The following MACROD2 variants were observed in gnomAD, a reference collection of about 807,000 sequenced individuals.
The protein encoded by MACROD2 is ADP-ribose glycohydrolase MACROD2.
Under a neutral mutation model 70.4 loss-of-function variants are expected in MACROD2, and 36 were observed. The ratio of observed to expected loss-of-function variants is 0.51; its 90% CI spans 0.39 to 0.68. The LOEUF (loss-of-function observed/expected upper bound fraction) is 0.68. MACROD2 is among the 30% of genes least tolerant of loss of function. MACROD2 has a pLI of 0.00. For synonymous variants in MACROD2, 172 were observed against 178.8 expected, an observed-to-expected ratio of 0.96 and a Z score of 0.30; for missense variants, 496 against 538.4, an observed-to-expected ratio of 0.92 and a Z score of 0.78.
At chr20:14,258,329 A>G (rs1261178672) in intron 3 of MACROD2, among the ~76,000 whole-genome samples, 1 of 152,150 alleles carries the variant, frequency 6.6e-6, no homozygotes, top group Non-Finnish European at 1.5e-5. Context: ...GTACTAGTTT[A>G]CATTCCCACC....
chr20:15,449,523 T>A (rs2046612853), intron 7 of MACROD2, among the ~76,000 whole-genome samples: 1 of 152,200 alleles, frequency 6.6e-6, no homozygotes, highest in Non-Finnish European at 1.5e-5. Flanking sequence ...GCAGCCACTG[T>A]TGAGTTTCTT....
At chr20:14,496,768 G>C (rs1387347597) in intron 4 of MACROD2, among the ~76,000 whole-genome samples, 2 of 151,350 alleles carry the variant, frequency 1.3e-5, no homozygotes, top group African/African-American at 2.5e-5. Flanking sequence ...AGACAGTTAT[G>C]TACTAATTTC....
intron 5 of MACROD2, among the ~76,000 whole-genome samples, chr20:14,991,180 A>G (rs2074900507): frequency 6.6e-6 from 1 of 152,098 alleles, no homozygotes; most frequent in Non-Finnish European, 1.5e-5. Flanking sequence ...TAAGCCTTGA[A>G]TGATGTCAGT....
chr20:14,678,847 T>A (rs910456424), intron 4 of MACROD2, among the ~76,000 whole-genome samples: 2 of 152,166 alleles, frequency 1.3e-5, no homozygotes, highest in African/African-American at 4.8e-5. Context: ...ATATAGAACC[T>A]CATCACCAGA....
In MACROD2 at chr20:14,274,388, C is replaced by CA. The variant is rs1177542398; in HGVS notation, c.271+188665dup. Among the ~76,000 whole-genome samples, 13 of 152,148 alleles carry CA rather than the reference C, an allele frequency of 8.5e-5. No homozygotes were observed. In the East Asian group the frequency reaches 2.5e-3, roughly 29 times the overall value. On this transcript the variant is annotated intron_variant, in intron 3 of 17. Transcript: ENST00000684519. ...TCCAGCATATAAACAGAACGAAAGA[C>CA]AAAAACCACATGATTATCTCAATAG...
intron 6 of MACROD2, among the ~76,000 whole-genome samples, chr20:15,239,927 G>T (rs1490003732): frequency 6.6e-6 from 1 of 152,160 alleles, no homozygotes; most frequent in African/African-American, 2.4e-5. Flanking sequence ...CATGGCAGAT[G>T]GTGAGTGCCT....
At chr20:14,778,470 G>C (rs932291023) in intron 5 of MACROD2, among the ~76,000 whole-genome samples, 5 of 151,878 alleles carry the variant, frequency 3.3e-5, no homozygotes, top group African/African-American at 1.2e-4. Context: ...CCATCCAGTG[G>C]CCTTATCTGA....
At chr20:15,368,812 C>T (rs897576261) in intron 6 of MACROD2, among the ~76,000 whole-genome samples, 5 of 152,124 alleles carry the variant, frequency 3.3e-5, no homozygotes, top group African/African-American at 9.7e-5. Context: ...TGTCTAGGCT[C>T]AAGCGGCAGT....
chr20:15,958,018 T>C (rs1487790616), intron 12 of MACROD2, among the ~76,000 whole-genome samples: 3 of 152,238 alleles, frequency 2.0e-5, no homozygotes, highest in Non-Finnish European at 4.4e-5. Flanking sequence ...ACAAATATGT[T>C]TGAGGATTAT....
chr20:14,426,524 G>C (rs759089250), intron 3 of MACROD2, among the ~76,000 whole-genome samples: 1 of 152,048 alleles, frequency 6.6e-6, no homozygotes. Context: ...CAGATGTCTT[G>C]TAGTCTTTTG....
intron 5 of MACROD2, among the ~76,000 whole-genome samples, chr20:15,144,592 C>T (rs2076217011): frequency 6.6e-6 from 1 of 152,080 alleles, no homozygotes; most frequent in Non-Finnish European, 1.5e-5. Flanking sequence ...TATTTTGTTG[C>T]AAAAGGTGGG....
chr20:15,321,317 T>A (rs1568720043), intron 6 of MACROD2, among the ~76,000 whole-genome samples: 2 of 144,382 alleles, frequency 1.4e-5, no homozygotes, highest in African/African-American at 5.0e-5. Context: ...TTAGCTTCTA[T>A]CTGACTAGGT....
chr20:14,178,095 C>T (rs866993568), intron 3 of MACROD2, among the ~76,000 whole-genome samples: 22 of 152,084 alleles, frequency 1.4e-4, no homozygotes, highest in African/African-American at 4.8e-4. Flanking sequence ...TTCACAACAT[C>T]TAGGGAAAAG....
chr20:14,053,488 C>T (rs973763388), intron 2 of MACROD2: 16 of 152,030 alleles, frequency 1.1e-4, no homozygotes, highest in African/African-American at 3.4e-4. Flanking sequence ...GCTCTTTGTC[C>T]TCTGTGAATG....
At chr20:15,277,225 T>A (rs1568686566) in intron 6 of MACROD2, among the ~76,000 whole-genome samples, 1 of 152,202 alleles carries the variant, frequency 6.6e-6, no homozygotes, top group Non-Finnish European at 1.5e-5. Flanking sequence ...GACATACAGT[T>A]TCTTCCTATA....
At chr20:14,390,350 A>G (rs1242218849) in intron 3 of MACROD2, among the ~76,000 whole-genome samples, 1 of 152,234 alleles carries the variant, frequency 6.6e-6, no homozygotes, top group Non-Finnish European at 1.5e-5. Flanking sequence ...TGCCATTTCT[A>G]TTAAACTACC....
chr20:14,151,912 C>G (rs902284826), intron 3 of MACROD2, among the ~76,000 whole-genome samples: 3 of 150,736 alleles, frequency 2.0e-5, no homozygotes, highest in Non-Finnish European at 3.0e-5. Flanking sequence ...AGCTCTGCCC[C>G]CCGGGTTCAT....
At chr20:15,561,677 A>T (rs917979216) in intron 8 of MACROD2, among the ~76,000 whole-genome samples, 1 of 152,156 alleles carries the variant, frequency 6.6e-6, no homozygotes, top group African/African-American at 2.4e-5. Flanking sequence ...AGATTTTTTA[A>T]GCAGTGCCTT....
At chr20:14,639,755 C>G (rs1272640835) in intron 4 of MACROD2, among the ~76,000 whole-genome samples, 1 of 152,156 alleles carries the variant, frequency 6.6e-6, no homozygotes, top group Admixed American at 6.5e-5. Context: ...TAAATTCCCC[C>G]TTGATTTAAG....
Sources: gnomAD v4.1 joint callset for allele counts (sites outside exome capture counted in the v4.1 genomes callset) on GRCh38, gnomAD v4.1.1 for gene constraint, MANE v1.5 for transcripts, NCBI Gene and HGNC (gene_info 2026-07-23, HGNC 2026-07-21) for gene names.